Variants in CXCL14 observed in about 807,000 individuals in gnomAD.
CXCL14 encodes C-X-C motif chemokine ligand 14.
Under a neutral mutation model 16.1 loss-of-function variants are expected in CXCL14, and 9 were observed. The observed-to-expected ratio is 0.56, with a 90% CI of 0.34 to 0.97. The LOEUF (loss-of-function observed/expected upper bound fraction) is 0.97, where lower values mean the gene tolerates loss of function less well. Ranked by LOEUF, CXCL14 falls within the 50% of genes least tolerant of loss-of-function variation. CXCL14 has a pLI of 0.02. For synonymous variants in CXCL14, 55 were observed against 52.8 expected, an observed-to-expected ratio of 1.04 and a Z score of -0.18; for missense variants, 111 against 132.5, an observed-to-expected ratio of 0.84 and a Z score of 0.80.
At chr5:135,578,624 C>T (rs567105771) in intron 1 of CXCL14, 85 bp from the exon 2 acceptor site, 40 of 1,593,108 alleles carry the variant, frequency 2.5e-5, no homozygotes, top group Non-Finnish European at 3.1e-5. Flanking sequence ...GACCACCCCC[C>T]GCGGGATCCC....
At chr5:135,578,365 C>A in intron 2 of CXCL14, 69 bp downstream of exon 2, 1 of 1,337,038 alleles carries the variant, frequency 7.5e-7, no homozygotes, top group Non-Finnish European at 1.1e-6. Context: ...CCGACCCAGG[C>A]CCAGGCTGTG....
At chr5:135,572,835 C>T (rs1751047353) in intron 3 of CXCL14, among the ~76,000 whole-genome samples, 1 of 152,240 alleles carries the variant, frequency 6.6e-6, no homozygotes, top group Non-Finnish European at 1.5e-5. Flanking sequence ...CTCTTTCTCT[C>T]TCTCTCTGTA....
intron 3 of CXCL14, among the ~76,000 whole-genome samples, chr5:135,573,057 G>A (rs1386851693): frequency 6.6e-6 from 1 of 152,130 alleles, no homozygotes; most frequent in Non-Finnish European, 1.5e-5. Flanking sequence ...AAAAAGCAGG[G>A]CCATGTTTAG....
chr5:135,575,422 AC>A (rs1751084652), intron 2 of CXCL14, among the ~76,000 whole-genome samples: 1 of 152,166 alleles, frequency 6.6e-6, no homozygotes, highest in Non-Finnish European at 1.5e-5. Context: ...AGGGCCTGGG[AC>A]TGAATCTCAA....
intron 3 of CXCL14, among the ~76,000 whole-genome samples, chr5:135,574,025 G>A (rs1206501985): frequency 1.3e-5 from 2 of 152,238 alleles, no homozygotes; most frequent in African/African-American, 4.8e-5. Context: ...AACCTGTGGT[G>A]CCTTCCAGCA....
intron 3 of CXCL14, among the ~76,000 whole-genome samples, chr5:135,573,526 C>T (rs371361647): frequency 6.6e-6 from 1 of 152,062 alleles, no homozygotes. Flanking sequence ...TATGGCTGTA[C>T]CTTCCACCCT....
At chr5:135,576,279 C>G (rs1257523743) in intron 2 of CXCL14, among the ~76,000 whole-genome samples, 1 of 152,212 alleles carries the variant, frequency 6.6e-6, no homozygotes, top group Non-Finnish European at 1.5e-5. Flanking sequence ...CCCCACTGTG[C>G]CCAGTCACCC....
chr5:135,575,951 G>A (rs1751090334), intron 2 of CXCL14, among the ~76,000 whole-genome samples: 1 of 152,228 alleles, frequency 6.6e-6, no homozygotes, highest in Non-Finnish European at 1.5e-5. Flanking sequence ...AATGGAAAAT[G>A]TCATGGCTTA....
At chr5:135,572,509 G>A (rs1403289922) in intron 3 of CXCL14, among the ~76,000 whole-genome samples, 2 of 152,106 alleles carry the variant, frequency 1.3e-5, no homozygotes, top group Non-Finnish European at 2.9e-5. Context: ...ATCTCTACTC[G>A]TTCCCAGCCC....
At chr5:135,574,148 C>T (rs1025259103) in intron 3 of CXCL14, among the ~76,000 whole-genome samples, 16 of 152,212 alleles carry the variant, frequency 1.1e-4, no homozygotes, top group African/African-American at 4.8e-5. Flanking sequence ...GGTTTTATAG[C>T]GCAGTTTTAT....
chr5:135,577,919 G>T (rs573821049), intron 2 of CXCL14, among the ~76,000 whole-genome samples: 1 of 152,192 alleles, frequency 6.6e-6, no homozygotes, highest in Non-Finnish European at 1.5e-5. Context: ...CTCGTGGAGC[G>T]TTCTCAAAAT....
chr5:135,571,597 T>C lies in CXCL14; in HGVS notation c.*256A>G. On this transcript the variant is annotated 3_prime_UTR_variant, in exon 4 of 4. Transcript: ENST00000512158. ...TTCCCCTTTTTGATAAAAAGCAGCC[T>C]GTGATGAAGTCTGGAGCACAAGAGA... 2.1e-6 allele frequency: 1 copy of C among 469,112 alleles called. No individual in the cohort carries two copies. Among genetic ancestry groups the C allele is most frequent in the Non-Finnish European group, 3.7e-6 (1 of 268,636 alleles). The allele number at this position is 469,112 out of a possible 1,614,324, so 29.1% of individuals were successfully genotyped here.
In CXCL14 at chr5:135,578,885, G is replaced by A. The variant is rs1247096845; in HGVS notation, c.-107C>T. The A allele has an allele frequency of 3.2e-6, 4 of 1,243,206 alleles. No individual in the cohort carries two copies. The highest frequency in any genetic ancestry group is 4.2e-6 in the Non-Finnish European group (4 of 942,386). 77.0% of individuals were successfully genotyped at this position (1,243,206 alleles called of 1,614,324 possible). A position where few individuals can be genotyped will look rare whatever the true frequency, so the allele number is the denominator to read the frequency against. On this transcript the variant is annotated 5_prime_UTR_variant, in exon 1 of 4. Transcript: ENST00000512158. ...CAGCTCTGCTCGGCTTTCTCTGCCC[G>A]GGGCGCGCCTTCCGGCTCTGCTGGC...
intron 2 of CXCL14, 74 bp downstream of exon 2, chr5:135,578,360 C>T: frequency 3.8e-6 from 5 of 1,304,200 alleles, no homozygotes; most frequent in Non-Finnish European, 5.5e-6. Context: ...TTAGCCCGAC[C>T]CAGGCCCAGG....
chr5:135,574,020 G>T (rs1047629414), intron 3 of CXCL14, among the ~76,000 whole-genome samples: 1 of 152,240 alleles, frequency 6.6e-6, no homozygotes, highest in African/African-American at 2.4e-5. Context: ...AGCCAAACCT[G>T]TGGTGCCTTC....
chr5:135,578,964 TCTGCG>T lies in CXCL14; in HGVS notation c.-191_-187del, dbSNP rs1751169308. The T allele has an allele frequency of 6.8e-6, 4 of 589,004 alleles. No individual in the cohort carries two copies. The highest frequency in any genetic ancestry group is 4.4e-4 in the Middle Eastern group (1 of 2,274). The allele number at this position is 589,004 out of a possible 1,614,324, so 36.5% of individuals were successfully genotyped here. A position where few individuals can be genotyped will look rare whatever the true frequency, so the allele number is the denominator to read the frequency against. On this transcript the variant is annotated 5_prime_UTR_variant, in exon 1 of 4. Transcript: ENST00000512158. ...GGCTGTCTGTGGCCGTGCGCTGCGC[TCTGCG>T]CTTGTCTCCGCGCTCTCTCCACAGC...
Position 135,571,178 on chromosome 5 carries a change from G to A in CXCL14, c.*675C>T, listed in dbSNP as rs1468512647. On this transcript the variant is annotated 3_prime_UTR_variant, in exon 4 of 4. Coordinates refer to ENST00000512158, the MANE Select transcript of CXCL14 (RefSeq NM_004887.5). ...GGAAAGACCCCACACCTTCTTTAAG[G>A]ATCATTTGTCTCGCCATCACAGGAT... is the stretch of plus-strand genomic sequence containing the variant. 1 of 152,216 alleles carries A rather than the reference G, an allele frequency of 6.6e-6. No homozygotes were observed. Among genetic ancestry groups the A allele is most frequent in the African/African-American group, 2.4e-5 (1 of 41,430 alleles). The allele number at this position is 152,216 out of a possible 1,614,324, so 9.4% of individuals were successfully genotyped here.
chr5:135,576,260 GTC>G (rs1012083098), intron 2 of CXCL14, among the ~76,000 whole-genome samples: 1 of 152,190 alleles, frequency 6.6e-6, no homozygotes. Flanking sequence ...AACTCTGGTT[GTC>G]TCTCTCCCCC....
intron 2 of CXCL14, among the ~76,000 whole-genome samples, chr5:135,576,906 C>A (rs1043691687): frequency 7.2e-5 from 11 of 152,046 alleles, no homozygotes; most frequent in African/African-American, 2.7e-4. Flanking sequence ...GGGAGAGGAG[C>A]CCCCAGCCCT....
Sources: allele counts gnomAD v4.1 joint callset (sites outside exome capture counted in the v4.1 genomes callset), GRCh38; gene constraint gnomAD v4.1.1; transcripts MANE v1.5; gene names NCBI Gene and HGNC (gene_info 2026-07-23, HGNC 2026-07-21).